Variants in LARP1 observed in about 807,000 individuals in gnomAD.
LARP1 encodes La ribonucleoprotein 1, translational regulator, also known as la-related protein 1.
Under a neutral mutation model 122.7 loss-of-function variants are expected in LARP1, and 36 were observed. The ratio of observed to expected loss-of-function variants is 0.29; its 90% confidence interval spans 0.22 to 0.39. The LOEUF (loss-of-function observed/expected upper bound fraction) is 0.39, where lower values mean the gene tolerates loss of function less well. Ranked by LOEUF, LARP1 falls within the 10% of genes least tolerant of loss-of-function variation. The pLI is 1.00. For synonymous variants in LARP1, 539 were observed against 528.7 expected (o/e 1.02, Z -0.27); for missense variants, 1,040 against 1,403.6 (o/e 0.74, Z 4.14).
At position 154,703,819 on chromosome 5, in the gene LARP1, C is replaced by T. The variant is rs1452034243; in HGVS notation, c.-180+20782C>T. ...TATTTTTAGTAGAAATGGGGTTTCA[C>T]TATGTTGGCCAGGCTGGTCTCGAAC... On this transcript the variant is annotated intron_variant, in intron 1 of 18. Coordinates refer to the LARP1 transcript ENST00000687700. Among the ~76,000 whole-genome samples, 3 of 152,106 alleles carry T rather than the reference C, an allele frequency of 2.0e-5. No individual in the cohort carries two copies. The East Asian group carries it at 5.8e-4, about 29-fold the overall frequency.
At chr5:154,715,743 T>C (rs1389420987) in intron 1 of LARP1, among the ~76,000 whole-genome samples, 2 of 152,036 alleles carry the variant, frequency 1.3e-5, no homozygotes, top group East Asian at 3.9e-4. Context: ...GGGGAAAAAA[T>C]AGATTTGAAG....
At chr5:154,690,006 A>G (rs1001835385) in intron 1 of LARP1, among the ~76,000 whole-genome samples, 4 of 152,132 alleles carry the variant, frequency 2.6e-5, no homozygotes, top group African/African-American at 9.7e-5. Flanking sequence ...GCGCCGTTGC[A>G]CTCCAGGCTG....
intron 1 of LARP1, among the ~76,000 whole-genome samples, chr5:154,732,267 G>T (rs1169375924): frequency 1.3e-5 from 2 of 152,050 alleles, no homozygotes; most frequent in African/African-American, 2.4e-5. Flanking sequence ...GAGCAAAGAG[G>T]CAGGGATGGA....
chr5:154,775,053 A>G (rs1277810084), intron 1 of LARP1, among the ~76,000 whole-genome samples: 1 of 152,178 alleles, frequency 6.6e-6, no homozygotes, highest in Non-Finnish European at 1.5e-5. Flanking sequence ...TCACACCTGT[A>G]ATCCCAGCGC....
chr5:154,726,640 A>T (rs978464043), intron 1 of LARP1, among the ~76,000 whole-genome samples: 17 of 152,262 alleles, frequency 1.1e-4, no homozygotes, highest in African/African-American at 4.1e-4. Flanking sequence ...CAATAGATGG[A>T]TATAACAGCA....
intron 16 of LARP1, among the ~76,000 whole-genome samples, chr5:154,811,025 A>G (rs1416899045): frequency 6.6e-6 from 1 of 152,222 alleles, no homozygotes; most frequent in African/African-American, 2.4e-5. Context: ...AGGAGTAAAC[A>G]AATGTCTGTG....
At position 154,794,013 on chromosome 5, in the gene LARP1, C is replaced by A; in HGVS notation, c.1069+13C>A. On this transcript the variant is annotated intron_variant, in intron 6 of 18. Transcript: ENST00000518297. ...GGTGGCACTCGAAGTACGTGAGGCC[C>A]CTTTGGGCTCCGGGATGTCCAAGGG... The A allele has an allele frequency of 6.2e-7, 1 of 1,608,372 alleles. No homozygotes were observed. Among genetic ancestry groups the A allele is most frequent in the Admixed American group, 1.7e-5 (1 of 59,774 alleles).
intron 8 of LARP1, among the ~76,000 whole-genome samples, chr5:154,796,160 T>C (rs1400546067): frequency 1.6e-5 from 2 of 126,914 alleles, no homozygotes; most frequent in Non-Finnish European, 3.2e-5. Context: ...TATATATATT[T>C]TATGTATTTA....
At position 154,695,734 on chromosome 5, in the gene LARP1, G is replaced by A. The variant is rs143180985; in HGVS notation, c.-180+12697G>A. Among the ~76,000 whole-genome samples the A allele has an allele frequency of 8.7e-3, 1,328 of 151,936 alleles. 19 individuals carry two copies. The highest frequency in any genetic ancestry group is 0.03 in the African/African-American group (1,228 of 41,432). On this transcript the variant is annotated intron_variant, in intron 1 of 18. Coordinates refer to the LARP1 transcript ENST00000687700. ...TTAAAAATACAAAAAGTAGCCAGGC[G>A]TGGTGACGCATACCTGTAATCCCAG... is the stretch of plus-strand genomic sequence containing the variant.
chr5:154,683,978 A>C (rs1753807476), intron 1 of LARP1, among the ~76,000 whole-genome samples: 1 of 152,184 alleles, frequency 6.6e-6, no homozygotes, highest in Admixed American at 6.5e-5. Context: ...AGATGAATGG[A>C]ACAGTTGGCC....
intron 4 of LARP1, among the ~76,000 whole-genome samples, chr5:154,793,190 A>G (rs543320983): frequency 5.1e-4 from 78 of 152,208 alleles, no homozygotes; most frequent in Non-Finnish European, 4.6e-4. Flanking sequence ...TCTAGCTAGG[A>G]GGAAAGGAAG....
intron 1 of LARP1, among the ~76,000 whole-genome samples, chr5:154,779,706 C>T (rs1756255648): frequency 6.6e-6 from 1 of 152,064 alleles, no homozygotes; most frequent in South Asian, 2.1e-4. Context: ...CGGGGTTTCT[C>T]CATGTTGGTC....
At chr5:154,768,691 C>A (rs969022465) in intron 1 of LARP1, among the ~76,000 whole-genome samples, 3 of 152,168 alleles carry the variant, frequency 2.0e-5, no homozygotes, top group South Asian at 4.1e-4. Flanking sequence ...AAGTGATTCT[C>A]CTGCCTCAGC....
chr5:154,701,039 G>A (rs1328265768), intron 1 of LARP1, among the ~76,000 whole-genome samples: 4 of 152,148 alleles, frequency 2.6e-5, no homozygotes, highest in Non-Finnish European at 5.9e-5. Context: ...GAACTCCTGG[G>A]CTCAAGATAT....
intron 16 of LARP1, among the ~76,000 whole-genome samples, chr5:154,810,594 T>A (rs1281097097): frequency 6.6e-6 from 1 of 151,920 alleles, no homozygotes; most frequent in East Asian, 1.9e-4. Flanking sequence ...TTCAAGCGAT[T>A]CTTCTGCCTC....
chr5:154,728,029 C>T (rs1383827278), intron 1 of LARP1, among the ~76,000 whole-genome samples: 1 of 152,186 alleles, frequency 6.6e-6, no homozygotes, highest in Non-Finnish European at 1.5e-5. Flanking sequence ...GATCACGCCA[C>T]TGCACTCCAG....
intron 1 of LARP1, chr5:154,729,773 A>G (rs1046158367): frequency 5.4e-6 from 1 of 184,884 alleles, no homozygotes; most frequent in Non-Finnish European, 1.1e-5. Context: ...TTCCCAGCAC[A>G]CTATACTGAC....
chr5:154,797,690 T>C (rs1190588704), intron 8 of LARP1, among the ~76,000 whole-genome samples: 1 of 151,980 alleles, frequency 6.6e-6, no homozygotes, highest in Non-Finnish European at 1.5e-5. Context: ...CTTTTTTTTT[T>C]TTTTTTAAAC....
chr5:154,774,693 C>T (rs1475283953), intron 1 of LARP1, among the ~76,000 whole-genome samples: 1 of 152,106 alleles, frequency 6.6e-6, no homozygotes, highest in Non-Finnish European at 1.5e-5. Flanking sequence ...CTGTCCCTGC[C>T]CCAGGCCTTT....
Sources: gnomAD v4.1 joint callset for allele counts (sites outside exome capture counted in the v4.1 genomes callset) on GRCh38, gnomAD v4.1.1 for gene constraint, MANE v1.5 for transcripts, NCBI Gene and HGNC (gene_info 2026-07-23, HGNC 2026-07-21) for gene names.